ADK: variants seen among roughly 807,000 people sequenced by gnomAD.
ADK encodes the protein N6,N6-dimethyladenosine kinase.
In ADK, 24 loss-of-function variants were observed where a neutral mutation model predicts 44.7. The ratio of observed to expected loss-of-function variants is 0.54; its 90% CI spans 0.39 to 0.76. ADK has a LOEUF of 0.76. Among genes scored for constraint, ADK ranks in the 30% least tolerant of loss-of-function variants. ADK has a pLI of 0.00. For synonymous variants in ADK, 128 were observed against 142.6 expected (o/e 0.90, Z 0.73); for missense variants, 321 against 425.1 (o/e 0.76, Z 2.15).
At chr10:74,166,561 C>G (rs1435620600) in intron 1 of ADK, among the ~76,000 whole-genome samples, 1 of 151,984 alleles carries the variant, frequency 6.6e-6, no homozygotes, top group Non-Finnish European at 1.5e-5. Context: ...CTCAAGTGTT[C>G]TGCCCACGTT....
intron 9 of ADK, among the ~76,000 whole-genome samples, chr10:74,631,340 C>T (rs1853414547): frequency 6.6e-6 from 1 of 150,546 alleles, no homozygotes; most frequent in South Asian, 2.1e-4. Flanking sequence ...AATGGCGCAA[C>T]CTCAGCTCAC....
intron 7 of ADK, among the ~76,000 whole-genome samples, chr10:74,583,323 A>G (rs2133901414): frequency 6.6e-6 from 1 of 151,702 alleles, no homozygotes; most frequent in Non-Finnish European, 1.5e-5. Flanking sequence ...TGAGGATTCT[A>G]GCACTATTTA....
At chr10:74,160,152 A>G (rs916438517) in intron 1 of ADK, among the ~76,000 whole-genome samples, 9 of 152,196 alleles carry the variant, frequency 5.9e-5, no homozygotes, top group African/African-American at 1.7e-4. Context: ...ACTGGACCAA[A>G]TTGAGGACTA....
chr10:74,543,864 T>A (rs886533306), intron 7 of ADK, among the ~76,000 whole-genome samples: 1 of 152,126 alleles, frequency 6.6e-6, no homozygotes, highest in Non-Finnish European at 1.5e-5. Context: ...TCTTTTTTTT[T>A]TCTTTTTTTT....
intron 9 of ADK, among the ~76,000 whole-genome samples, chr10:74,619,155 T>C (rs577915020): frequency 2.6e-5 from 4 of 152,052 alleles, no homozygotes; most frequent in South Asian, 4.1e-4. Context: ...CCCATCTGCA[T>C]TTCAAAACAT....
At chr10:74,156,752 G>A (rs1841758957) in intron 1 of ADK, among the ~76,000 whole-genome samples, 1 of 152,138 alleles carries the variant, frequency 6.6e-6, no homozygotes, top group Admixed American at 6.5e-5. Flanking sequence ...TAGTGATCTC[G>A]GGAAGATTGG....
chr10:74,404,265 C>T lies in ADK; in HGVS notation c.555+5686C>T, dbSNP rs375319105. Among the ~76,000 whole-genome samples the T allele has an allele frequency of 1.6e-3, 247 of 151,718 alleles. 1 individual carries two copies. Among genetic ancestry groups the T allele is most frequent in the Middle Eastern group, 3.4e-3 (1 of 292 alleles). Reference sequence around the variant, plus strand: ...ACTTCTACATATATATTATAAACATCGTAACCTTGCTGCTATTTTTGTTTA... The same window carrying T: ...ACTTCTACATATATATTATAAACATTGTAACCTTGCTGCTATTTTTGTTTA... On this transcript the variant is annotated intron_variant, in intron 6 of 10. Transcript: ENST00000539909.
chr10:74,371,959 T>G, intron 4 of ADK: 1 of 951,602 alleles, frequency 1.1e-6, no homozygotes, highest in Non-Finnish European at 1.7e-6. Flanking sequence ...TACGTTAACC[T>G]ATCTACCGTT....
intron 4 of ADK, among the ~76,000 whole-genome samples, chr10:74,385,552 C>T (rs1231964036): frequency 1.3e-5 from 2 of 152,100 alleles, no homozygotes; most frequent in South Asian, 2.1e-4. Context: ...TTATTAATTA[C>T]AATAATGTCC....
At chr10:74,614,234 T>A (rs1392594031) in intron 9 of ADK, among the ~76,000 whole-genome samples, 1 of 152,122 alleles carries the variant, frequency 6.6e-6, no homozygotes, top group Non-Finnish European at 1.5e-5. Flanking sequence ...TTGAAAAGGA[T>A]CCTGCTAGAA....
At chr10:74,499,919 G>T (rs376525802) in intron 6 of ADK, among the ~76,000 whole-genome samples, 1 of 152,140 alleles carries the variant, frequency 6.6e-6, no homozygotes, top group African/African-American at 2.4e-5. Flanking sequence ...GTGTATGAAA[G>T]AGTGAGCAGG....
intron 6 of ADK, among the ~76,000 whole-genome samples, chr10:74,497,894 T>A (rs1195275886): frequency 6.6e-6 from 1 of 151,822 alleles, no homozygotes; most frequent in African/African-American, 2.4e-5. Flanking sequence ...TTCTTTTTTT[T>A]TTTTCTTTTT....
chr10:74,203,211 T>TTTCCCCACTGAATGATC (rs1843460685), intron 2 of ADK, among the ~76,000 whole-genome samples: 1 of 152,242 alleles, frequency 6.6e-6, no homozygotes, highest in African/African-American at 2.4e-5. Context: ...AGACTATTCT[T>TTTCCCCACTGAATGATC]TTCCCCACTG....
At chr10:74,636,060 C>T (rs891704043) in intron 9 of ADK, among the ~76,000 whole-genome samples, 4 of 151,958 alleles carry the variant, frequency 2.6e-5, no homozygotes, top group Non-Finnish European at 4.4e-5. Context: ...CATTACACTC[C>T]AGCCTTGGCA....
chr10:74,687,409 T>C (rs1223367455), intron 10 of ADK, among the ~76,000 whole-genome samples: 4 of 152,234 alleles, frequency 2.6e-5, no homozygotes, highest in African/African-American at 7.2e-5. Flanking sequence ...TTATACAATG[T>C]CATCAGTAGG....
intron 3 of ADK, among the ~76,000 whole-genome samples, chr10:74,274,730 G>GTATATATA (rs1200421234): frequency 2.5e-5 from 1 of 40,518 alleles, no homozygotes; most frequent in Non-Finnish European, 6.7e-5. Flanking sequence ...ATTTTAATGT[G>GTATATATA]TGTATATATA....
At chr10:74,534,237 A>C (rs1159466891) in intron 7 of ADK, among the ~76,000 whole-genome samples, 3 of 152,342 alleles carry the variant, frequency 2.0e-5, no homozygotes, top group Admixed American at 6.5e-5. Flanking sequence ...CTAATTAAAC[A>C]CTTTTAGTTT....
chr10:74,417,750 T>A lies in ADK; in HGVS notation c.555+19171T>A, dbSNP rs548784784. On this transcript the variant is annotated intron_variant, in intron 6 of 10. Coordinates refer to ENST00000539909, the MANE Select transcript of ADK (RefSeq NM_006721.4). ...ATGGAGAATCTCAGTAAATCTACTT[T>A]AAAAAAAAAAAAAGCAAAATATCTG... is the stretch of plus-strand genomic sequence containing the variant. 2.5e-4 allele frequency among the ~76,000 whole-genome samples: 36 copies of A among 141,836 alleles called. 1 individual carries two copies. In the East Asian group the frequency reaches 6.7e-3, roughly 26 times the overall value. 93.0% of individuals were successfully genotyped at this position (141,836 alleles called of 152,430 possible). A position where few individuals can be genotyped will look rare whatever the true frequency, so the allele number is the denominator to read the frequency against.
At chr10:74,660,575 A>G (rs1237798549) in intron 9 of ADK, among the ~76,000 whole-genome samples, 1 of 151,684 alleles carries the variant, frequency 6.6e-6, no homozygotes, top group East Asian at 1.9e-4. Flanking sequence ...TCTTCTCTAC[A>G]AAGAATCAGC....
Sources: allele counts gnomAD v4.1 joint callset (sites outside exome capture counted in the v4.1 genomes callset), GRCh38; gene constraint gnomAD v4.1.1; transcripts MANE v1.5; gene names NCBI Gene and HGNC (gene_info 2026-07-23, HGNC 2026-07-21).